The following RALGAPA1 variants were observed in gnomAD, a reference collection of about 807,000 sequenced individuals.
RALGAPA1 encodes Ral GTPase activating protein catalytic subunit alpha 1, also known as ral GTPase-activating protein subunit alpha-1.
A neutral mutation model predicts 269.6 loss-of-function variants in RALGAPA1; 52 were observed. The ratio of observed to expected loss-of-function variants is 0.19; its 90% confidence interval spans 0.15 to 0.24. The LOEUF (loss-of-function observed/expected upper bound fraction) is 0.24. RALGAPA1 is among the 10% of genes least tolerant of loss of function. The pLI, the probability that RALGAPA1 is intolerant of heterozygous loss-of-function variation, is 1.00. For missense variants in RALGAPA1, 1,917 were observed against 3,013.9 expected (o/e 0.64, Z 8.52); for synonymous variants, 817 against 1,008.3 (o/e 0.81, Z 3.60).
intron 35 of RALGAPA1, among the ~76,000 whole-genome samples, chr14:35,618,734 G>T (rs565399866): frequency 1.3e-5 from 2 of 152,106 alleles, no homozygotes; most frequent in South Asian, 2.1e-4. Context: ...ATCAATAAGA[G>T]AATTCACTTC....
At chr14:35,639,642 G>C (rs1215365893) in intron 31 of RALGAPA1, among the ~76,000 whole-genome samples, 2 of 152,090 alleles carry the variant, frequency 1.3e-5, no homozygotes, top group African/African-American at 4.8e-5. Flanking sequence ...CAAACACTTA[G>C]GAATTAAACA....
chr14:35,771,255 G>A (rs1463137054), intron 3 of RALGAPA1, among the ~76,000 whole-genome samples: 1 of 152,008 alleles, frequency 6.6e-6, no homozygotes, highest in African/African-American at 2.4e-5. Context: ...TTAGCCAAGT[G>A]TGGTGGCAGG....
chr14:35,661,064 C>T (rs746206605), intron 27 of RALGAPA1, among the ~76,000 whole-genome samples: 23 of 152,088 alleles, frequency 1.5e-4, no homozygotes, highest in Non-Finnish European at 2.6e-4. Context: ...CTACAATTAA[C>T]AGTGATTACA....
chr14:35,699,352 A>G (rs974846107), intron 17 of RALGAPA1, among the ~76,000 whole-genome samples: 1 of 152,156 alleles, frequency 6.6e-6, no homozygotes, highest in African/African-American at 2.4e-5. Context: ...TCACTGGGAA[A>G]CTTTTTGAGG....
At chr14:35,573,801 T>C (rs1264614338) in intron 37 of RALGAPA1, among the ~76,000 whole-genome samples, 1 of 152,108 alleles carries the variant, frequency 6.6e-6, no homozygotes, top group Non-Finnish European at 1.5e-5. Context: ...GCAAAAAAGA[T>C]TACACAACTC....
At chr14:35,738,470 T>A in intron 12 of RALGAPA1, 43 bp downstream of exon 12, 1 of 1,444,324 alleles carries the variant, frequency 6.9e-7, no homozygotes, top group Non-Finnish European at 9.3e-7. Flanking sequence ...CAGAAATATT[T>A]AATGATTATT....
At chr14:35,645,996 G>A (rs2062413448) in intron 31 of RALGAPA1, among the ~76,000 whole-genome samples, 1 of 151,960 alleles carries the variant, frequency 6.6e-6, no homozygotes, top group Non-Finnish European at 1.5e-5. Context: ...GACATTTTGA[G>A]CACCAAAATA....
rs780929509 is a variant in RALGAPA1 at position 35,750,573 on chromosome 14, C to T, written c.920G>A (p.Arg307His). 6 of 1,612,816 alleles carry T rather than the reference C, an allele frequency of 3.7e-6. No homozygotes were observed. Among genetic ancestry groups the T allele is most frequent in the African/African-American group, 1.3e-5 (1 of 74,852 alleles). ...PFIKARVIVI[R>H]WLVSFWLEPK... ...CTCCAGCCAGAAAGAAACCAGCCAA[C>T]GAATGACAATAACACGAGCCTTAAT... The change falls in exon 9 of 42, where the codon CGT (arginine) becomes CAT (histidine). Residue 307 changes from arginine to histidine, a missense_variant. Physicochemically the swap from Arg to His is conservative, Grantham distance 29. Transcript: ENST00000680220.
chr14:35,749,037 T>A (rs1416703657), intron 9 of RALGAPA1, among the ~76,000 whole-genome samples: 1 of 152,136 alleles, frequency 6.6e-6, no homozygotes, highest in Admixed American at 6.6e-5. Flanking sequence ...TGACAGATAC[T>A]CCAAAATGTG....
intron 4 of RALGAPA1, chr14:35,766,134 G>A: frequency 1.1e-6 from 1 of 949,270 alleles, no homozygotes. Flanking sequence ...CAGAAATCCT[G>A]CTGCCTACTG....
At chr14:35,545,305 G>A (rs1351602621) in intron 41 of RALGAPA1, among the ~76,000 whole-genome samples, 1 of 151,850 alleles carries the variant, frequency 6.6e-6, no homozygotes, top group Non-Finnish European at 1.5e-5. Flanking sequence ...AAATAGATCT[G>A]ACCATCATAA....
At chr14:35,588,945 T>G (rs2058472813) in intron 37 of RALGAPA1, among the ~76,000 whole-genome samples, 1 of 152,192 alleles carries the variant, frequency 6.6e-6, no homozygotes, top group Admixed American at 6.6e-5. Flanking sequence ...GGAAATCCTG[T>G]CATTTATAAA....
At chr14:35,746,867 A>G (rs1595410132) in intron 10 of RALGAPA1, among the ~76,000 whole-genome samples, 2 of 152,004 alleles carry the variant, frequency 1.3e-5, no homozygotes, top group Admixed American at 1.3e-4. Flanking sequence ...TGAAGTATAC[A>G]TGTTAAAACT....
intron 38 of RALGAPA1, among the ~76,000 whole-genome samples, chr14:35,571,409 C>T (rs1053217472): frequency 1.3e-5 from 2 of 151,288 alleles, no homozygotes; most frequent in Admixed American, 6.6e-5. Flanking sequence ...TAAGGCTGGG[C>T]GTGGTGGCTC....
At chr14:35,662,085 G>A (rs1652329438) in intron 27 of RALGAPA1, among the ~76,000 whole-genome samples, 1 of 152,112 alleles carries the variant, frequency 6.6e-6, no homozygotes, top group African/African-American at 2.4e-5. Context: ...TATTAAATGA[G>A]TGAACTGTAA....
At chr14:35,732,617 A>C (rs529190281) in intron 12 of RALGAPA1, among the ~76,000 whole-genome samples, 51 of 152,238 alleles carry the variant, frequency 3.4e-4, no homozygotes, top group Non-Finnish European at 5.0e-4. Context: ...TATCAGACAA[A>C]ACAAACTTCA....
intron 31 of RALGAPA1, among the ~76,000 whole-genome samples, chr14:35,636,536 T>C (rs183264106): frequency 1.3e-4 from 20 of 152,320 alleles, no homozygotes; most frequent in Admixed American, 9.8e-4. Flanking sequence ...TTAATTTTTA[T>C]TTTTGAGACA....
rs2066234984 is a variant in RALGAPA1 at position 35,689,015 on chromosome 14, T to C, written c.3396A>G (p.Thr1132=). 8.1e-7 allele frequency: 1 copy of C among 1,236,764 alleles called. No individual in the cohort carries two copies. The highest frequency in any genetic ancestry group is 3.1e-5 in the East Asian group (1 of 31,950). 76.6% of individuals were successfully genotyped at this position (1,236,764 alleles called of 1,614,324 possible). ...LSPTKRSLSE[T]VTHRAKIMKI... is the part of the protein sequence containing the mutation. Reference sequence around the variant, plus strand: ...TCATGATTTTGGCTCTATGAGTTACTGTTTCAGACAAGCTCCTTTTAGTTG... The same window carrying C: ...TCATGATTTTGGCTCTATGAGTTACCGTTTCAGACAAGCTCCTTTTAGTTG... The change falls in exon 18 of 42, where the codon ACA becomes ACG. Residue 1132 remains threonine, a synonymous_variant. Coordinates refer to ENST00000680220, the MANE Select transcript of RALGAPA1 (RefSeq NM_001346249.2).
intron 22 of RALGAPA1, chr14:35,677,748 T>C (rs1254280469): frequency 1.9e-6 from 1 of 539,004 alleles, no homozygotes; most frequent in African/African-American, 2.0e-5. Flanking sequence ...TCTAATCAAC[T>C]ATAATAAAAT....
Sources: allele counts gnomAD v4.1 joint callset (sites outside exome capture counted in the v4.1 genomes callset), GRCh38; gene constraint gnomAD v4.1.1; transcripts MANE v1.5; gene names NCBI Gene and HGNC (gene_info 2026-07-23, HGNC 2026-07-21).